TRHDE: variants seen among roughly 807,000 people sequenced by gnomAD.
TRHDE encodes thyrotropin-releasing hormone-degrading ectoenzyme.
Under a neutral mutation model 125.7 loss-of-function variants are expected in TRHDE, and 72 were observed. The ratio of observed to expected loss-of-function variants is 0.57; its 90% CI spans 0.47 to 0.70. The LOEUF is 0.70. Ranked by LOEUF, TRHDE falls within the 30% of genes least tolerant of loss-of-function variation. The pLI, the probability that TRHDE is intolerant of heterozygous loss-of-function variation, is 0.00. For missense variants in TRHDE, 1,110 were observed against 1,327.1 expected (o/e 0.84, Z 2.54); for synonymous variants, 509 against 509.1 (o/e 1.00, Z 0.00).
At chr12:72,460,981 C>T (rs559386709) in intron 3 of TRHDE, among the ~76,000 whole-genome samples, 5 of 152,034 alleles carry the variant, frequency 3.3e-5, no homozygotes, top group African/African-American at 1.2e-4. Flanking sequence ...TGACAGTAAT[C>T]AGTAAATGTC....
intron 1 of TRHDE, among the ~76,000 whole-genome samples, chr12:72,102,303 C>T (rs1875086973): frequency 3.9e-5 from 6 of 152,216 alleles, no homozygotes; most frequent in African/African-American, 1.4e-4. Flanking sequence ...CTATAGTCAC[C>T]TCAGAGGAGC....
intron 2 of TRHDE, chr12:72,262,422 T>C (rs550641094): frequency 6.6e-6 from 1 of 152,292 alleles, no homozygotes; most frequent in African/African-American, 2.4e-5. Context: ...AATTCTATAA[T>C]CATAGTGTTA....
At chr12:72,344,371 CAT>C (rs1309062513) in intron 2 of TRHDE, among the ~76,000 whole-genome samples, 1 of 152,106 alleles carries the variant, frequency 6.6e-6, no homozygotes, top group Non-Finnish European at 1.5e-5. Context: ...ATAATTATCA[CAT>C]ATCTTTTAAT....
chr12:72,576,443 C>A (rs551169771), intron 12 of TRHDE, among the ~76,000 whole-genome samples: 1 of 152,120 alleles, frequency 6.6e-6, no homozygotes, highest in Admixed American at 6.6e-5. Flanking sequence ...AAATTCAATT[C>A]TCTTCCATAT....
chr12:72,642,654 C>G (rs1240871539), intron 15 of TRHDE, among the ~76,000 whole-genome samples: 2 of 152,024 alleles, frequency 1.3e-5, no homozygotes, highest in Non-Finnish European at 2.9e-5. Flanking sequence ...GTTTTCCTTC[C>G]CAGATAATAA....
chr12:72,355,256 TA>T, intron 2 of TRHDE, among the ~76,000 whole-genome samples: 1 of 151,632 alleles, frequency 6.6e-6, no homozygotes, highest in South Asian at 2.1e-4. Flanking sequence ...TGAAGGATAG[TA>T]AAAGTTAATT....
chr12:72,572,567 C>G (rs1870797027), intron 10 of TRHDE, among the ~76,000 whole-genome samples: 1 of 151,960 alleles, frequency 6.6e-6, no homozygotes, highest in Non-Finnish European at 1.5e-5. Context: ...AGTTAAAAAT[C>G]TATTACAAAA....
chr12:72,407,957 C>T (rs1045849426), intron 3 of TRHDE, among the ~76,000 whole-genome samples: 6 of 152,156 alleles, frequency 3.9e-5, no homozygotes, highest in African/African-American at 1.4e-4. Flanking sequence ...TACCAGAATA[C>T]CACAGACTGG....
chr12:72,109,025 C>T (rs368034200), intron 2 of TRHDE, among the ~76,000 whole-genome samples: 1 of 152,128 alleles, frequency 6.6e-6, no homozygotes, highest in East Asian at 1.9e-4. Context: ...GTCCATAGGT[C>T]CCCACAACAC....
At chr12:72,577,916 T>C (rs994080053) in intron 12 of TRHDE, among the ~76,000 whole-genome samples, 5 of 152,136 alleles carry the variant, frequency 3.3e-5, no homozygotes. Context: ...GTTTTATTGC[T>C]CAAGAGATAA....
chr12:72,633,962 ATAATG>A (rs1232370914), intron 15 of TRHDE, among the ~76,000 whole-genome samples: 1 of 152,142 alleles, frequency 6.6e-6, no homozygotes. Context: ...AATAATAAAA[ATAATG>A]AGGAGGAGGA....
chr12:72,349,683 C>G (rs1870495288), intron 2 of TRHDE, among the ~76,000 whole-genome samples: 1 of 151,976 alleles, frequency 6.6e-6, no homozygotes, highest in South Asian at 2.1e-4. Flanking sequence ...GTGACTGTAA[C>G]TAATTGCATT....
At chr12:72,615,938 G>C (rs148468024) in intron 12 of TRHDE, among the ~76,000 whole-genome samples, 9 of 152,190 alleles carry the variant, frequency 5.9e-5, no homozygotes, top group African/African-American at 2.2e-4. Context: ...GCTAATGGGA[G>C]ATGTCTAAGG....
intron 2 of TRHDE, among the ~76,000 whole-genome samples, chr12:72,125,536 C>T (rs1217490745): frequency 6.6e-6 from 1 of 152,120 alleles, no homozygotes; most frequent in African/African-American, 2.4e-5. Context: ...ACTCCTTTAT[C>T]CCTCCAACAT....
chr12:72,640,205 G>C (rs940017956), intron 15 of TRHDE, among the ~76,000 whole-genome samples: 1 of 152,230 alleles, frequency 6.6e-6, no homozygotes, highest in Non-Finnish European at 1.5e-5. Context: ...ACAATCTCCT[G>C]GTGTGCTGTT....
intron 3 of TRHDE, among the ~76,000 whole-genome samples, chr12:72,457,476 T>A (rs936591229): frequency 1.3e-5 from 2 of 152,166 alleles, no homozygotes; most frequent in African/African-American, 4.8e-5. Flanking sequence ...ATCCATTCAT[T>A]GTTTAGATGC....
Position 72,206,173 on chromosome 12 carries a change from G to A in TRHDE, n.279+100421G>A, listed in dbSNP as rs530624414. ...GCTATCTGGGCTCACTGCAACGTCCGCCTCCTGGGTTCAAGTGATTCTCCT... is the reference window on the plus strand; with the variant it reads ...GCTATCTGGGCTCACTGCAACGTCCACCTCCTGGGTTCAAGTGATTCTCCT... On this transcript the variant is annotated intron_variant and non_coding_transcript_variant, in intron 2 of 4. Coordinates refer to the TRHDE transcript ENST00000548156. 9.3e-5 allele frequency among the ~76,000 whole-genome samples: 14 copies of A among 150,210 alleles called. No homozygotes were observed. In the East Asian group the frequency reaches 2.8e-3, roughly 30 times the overall value.
intron 2 of TRHDE, among the ~76,000 whole-genome samples, chr12:72,160,270 T>C (rs1876606089): frequency 6.6e-6 from 1 of 152,170 alleles, no homozygotes; most frequent in Admixed American, 6.5e-5. Context: ...TCTCAAAGTG[T>C]GGTCCACAAA....
At position 72,204,532 on chromosome 12, in the gene TRHDE, T is replaced by C. The variant is rs144781754; in HGVS notation, n.279+98780T>C. On this transcript the variant is annotated intron_variant and non_coding_transcript_variant, in intron 2 of 4. Coordinates refer to the TRHDE transcript ENST00000548156. Reference sequence around the variant, plus strand: ...TGTTTTTCCTACTAGTCAAATTCTTTCCTGAGGTCAAAACTCCTAACTTAA... The same window carrying C: ...TGTTTTTCCTACTAGTCAAATTCTTCCCTGAGGTCAAAACTCCTAACTTAA... Among the ~76,000 whole-genome samples the C allele has an allele frequency of 9.4e-4, 143 of 152,294 alleles. 1 individual carries two copies. Among genetic ancestry groups the C allele is most frequent in the Middle Eastern group, 3.4e-3 (1 of 294 alleles).
Sources: gnomAD v4.1 joint callset for allele counts (sites outside exome capture counted in the v4.1 genomes callset) on GRCh38, gnomAD v4.1.1 for gene constraint, MANE v1.5 for transcripts, NCBI Gene and HGNC (gene_info 2026-07-23, HGNC 2026-07-21) for gene names.